Variants in ANKRD45 observed in about 807,000 individuals in gnomAD.
ANKRD45 encodes the protein ankyrin repeat domain-containing protein 45.
In ANKRD45, 21 loss-of-function variants were observed where a neutral mutation model predicts 28.1. The observed-to-expected ratio is 0.75, with a 90% CI of 0.53 to 1.08. The LOEUF (loss-of-function observed/expected upper bound fraction) is 1.08, where lower values mean the gene tolerates loss of function less well. Ranked by LOEUF, ANKRD45 falls within the 50% of genes least tolerant of loss-of-function variation. The probability of loss-of-function intolerance (pLI) is 0.00; values close to 1 mark genes in which losing one functional copy is unlikely to be tolerated. For missense variants in ANKRD45, 261 were observed against 308.7 expected (o/e 0.85, Z 1.16); for synonymous variants, 86 against 103.9 (o/e 0.83, Z 1.05).
intron 3 of ANKRD45, among the ~76,000 whole-genome samples, chr1:173,638,286 C>T (rs913210106): frequency 6.6e-6 from 1 of 152,060 alleles, no homozygotes; most frequent in African/African-American, 2.4e-5. Context: ...GATGGGACAG[C>T]CAAGACATCC....
the ANKRD45 span, among the ~76,000 whole-genome samples, chr1:173,705,613 G>A: frequency 2.1e-5 from 3 of 140,984 alleles, no homozygotes; most frequent in South Asian, 4.5e-4. Flanking sequence ...GCAGCAGTGC[G>A]CTGTGTTTGC....
At chr1:173,697,209 CAGG>C in the ANKRD45 span, among the ~76,000 whole-genome samples, 1 of 152,098 alleles carries the variant, frequency 6.6e-6, no homozygotes, top group Non-Finnish European at 1.5e-5. Flanking sequence ...CTGAAAGTGA[CAGG>C]AGAATGGAAC....
At chr1:173,699,848 G>T in the ANKRD45 span, among the ~76,000 whole-genome samples, 3 of 152,128 alleles carry the variant, frequency 2.0e-5, no homozygotes, top group African/African-American at 7.2e-5. Flanking sequence ...AAGAAATAAA[G>T]GGTATTCAAT....
At chr1:173,646,731 A>G (rs896893580) in intron 3 of ANKRD45, 115 bp downstream of exon 3, 2 of 1,011,174 alleles carry the variant, frequency 2.0e-6, no homozygotes, top group Non-Finnish European at 2.9e-6. Context: ...ACCAACTGTG[A>G]CTGTGGTTGT....
chr1:173,649,600 G>A (rs1209029680), intron 2 of ANKRD45, among the ~76,000 whole-genome samples: 1 of 151,974 alleles, frequency 6.6e-6, no homozygotes, highest in Non-Finnish European at 1.5e-5. Context: ...TTTGTCTGTG[G>A]CTTATTTTGT....
the ANKRD45 span, among the ~76,000 whole-genome samples, chr1:173,698,088 G>A: frequency 1.6e-3 from 239 of 152,148 alleles, no homozygotes; most frequent in Middle Eastern, 0.01. Context: ...TAATGGTAAA[G>A]GGATCAATTC....
At chr1:173,649,842 T>C (rs1669103100) in intron 2 of ANKRD45, among the ~76,000 whole-genome samples, 1 of 152,182 alleles carries the variant, frequency 6.6e-6, no homozygotes, top group Admixed American at 6.5e-5. Context: ...AATTTTATTT[T>C]TTTCCAGATG....
intron 1 of ANKRD45, among the ~76,000 whole-genome samples, chr1:173,661,243 G>GAATT (rs1222256781): frequency 6.6e-6 from 1 of 152,106 alleles, no homozygotes; most frequent in Non-Finnish European, 1.5e-5. Flanking sequence ...GTGATAAAGG[G>GAATT]AATTATATGT....
the ANKRD45 span, among the ~76,000 whole-genome samples, chr1:173,707,460 G>A: frequency 4.6e-5 from 7 of 151,852 alleles, no homozygotes; most frequent in East Asian, 1.4e-3. Context: ...AGCCTTCCAA[G>A]TAGCTGGGAT....
In ANKRD45 at chr1:173,611,051, A is replaced by T. The variant is rs914390288; in HGVS notation, c.731-836T>A. 1.1e-4 allele frequency among the ~76,000 whole-genome samples: 16 copies of T among 152,306 alleles called. No individual in the cohort carries two copies. The South Asian group carries it at 2.9e-3, about 28-fold the overall frequency. ...TCTAAGTTTAAAATTTAGTAGTTTT[A>T]ATAAAATGATCACATGTTAACTTTG... On this transcript the variant is annotated intron_variant, in intron 5 of 5. Coordinates refer to ENST00000333279, the MANE Select transcript of ANKRD45 (RefSeq NM_198493.3).
chr1:173,623,042 A>G lies in ANKRD45; in HGVS notation c.730+1745T>C, dbSNP rs571111623. On this transcript the variant is annotated intron_variant, in intron 5 of 5. Coordinates refer to ENST00000333279, the MANE Select transcript of ANKRD45 (RefSeq NM_198493.3). ...GACATTCAAAAAAAAAAGGCTGGGC[A>G]TGGTGGCTCATGCCTGTAATCTCAG... Among the ~76,000 whole-genome samples the G allele has an allele frequency of 2.6e-5, 4 of 152,132 alleles. No homozygotes were observed. In the East Asian group the frequency reaches 7.7e-4, roughly 29 times the overall value.
intron 5 of ANKRD45, among the ~76,000 whole-genome samples, chr1:173,611,514 T>C (rs920094437): frequency 9.2e-5 from 14 of 151,704 alleles, no homozygotes; most frequent in Admixed American, 8.6e-4. Flanking sequence ...CATAAAAATC[T>C]TAGGTACTGA....
chr1:173,694,598 T>G, the ANKRD45 span, among the ~76,000 whole-genome samples: 2 of 151,154 alleles, frequency 1.3e-5, no homozygotes. Flanking sequence ...GAGGTATGTG[T>G]GGTTTTTGGT....
intron 5 of ANKRD45, among the ~76,000 whole-genome samples, chr1:173,615,141 C>G (rs1269219094): frequency 1.3e-5 from 2 of 151,850 alleles, no homozygotes; most frequent in East Asian, 3.9e-4. Flanking sequence ...TTTAAAAATG[C>G]CCCCCCAGAC....
chr1:173,626,775 AT>A (rs974536607), intron 4 of ANKRD45, among the ~76,000 whole-genome samples: 5 of 151,902 alleles, frequency 3.3e-5, no homozygotes, highest in African/African-American at 1.2e-4. Context: ...GTCTTTGATA[AT>A]TTTTTTTACT....
chr1:173,627,048 T>C lies in ANKRD45; in HGVS notation c.591+17A>G, dbSNP rs940351755. ...TCTCAAAACACTACAGAACAAGCAATAATCACAATACAGTACCTTGTCTTC... is the reference window on the plus strand; with the variant it reads ...TCTCAAAACACTACAGAACAAGCAACAATCACAATACAGTACCTTGTCTTC... On this transcript the variant is annotated intron_variant, in intron 4 of 5. Transcript: ENST00000333279. The C allele has an allele frequency of 7.1e-6, 11 of 1,546,684 alleles. No individual in the cohort carries two copies. The highest frequency in any genetic ancestry group is 9.8e-6 in the Non-Finnish European group (11 of 1,128,168).
the ANKRD45 span, among the ~76,000 whole-genome samples, chr1:173,692,951 C>T: frequency 6.6e-6 from 1 of 152,010 alleles, no homozygotes; most frequent in Non-Finnish European, 1.5e-5. Flanking sequence ...AGTGACAGCC[C>T]TGGCTTTGTG....
chr1:173,615,971 C>T (rs536011213), intron 5 of ANKRD45, among the ~76,000 whole-genome samples: 19 of 152,022 alleles, frequency 1.2e-4, no homozygotes, highest in African/African-American at 2.7e-4. Context: ...AGCATGGTGG[C>T]GGGCGCCTGT....
chr1:173,609,205 G>T lies in ANKRD45; in HGVS notation c.*940C>A, dbSNP rs571846618. Among the ~76,000 whole-genome samples, 1 of 152,118 alleles carries T rather than the reference G, an allele frequency of 6.6e-6. No homozygotes were observed. The highest frequency in any genetic ancestry group is 1.9e-4 in the East Asian group (1 of 5,192). On this transcript the variant is annotated 3_prime_UTR_variant, in exon 6 of 6. Transcript: ENST00000333279. Reference sequence around the variant, plus strand: ...AAAACAGGGTTATCTCAAAACCATGGTTAAATAAATGTCAACTGACAAAGT... The same window carrying T: ...AAAACAGGGTTATCTCAAAACCATGTTTAAATAAATGTCAACTGACAAAGT...
Sources: gnomAD v4.1 joint callset for allele counts (sites outside exome capture counted in the v4.1 genomes callset) on GRCh38, gnomAD v4.1.1 for gene constraint, MANE v1.5 for transcripts, NCBI Gene and HGNC (gene_info 2026-07-23, HGNC 2026-07-21) for gene names.